KCNIP1: variants seen among roughly 807,000 people sequenced by gnomAD.
KCNIP1 encodes the protein potassium voltage-gated channel interacting protein 1.
Under a neutral mutation model 33.0 loss-of-function variants are expected in KCNIP1, and 18 were observed. The ratio of observed to expected loss-of-function variants is 0.55; its 90% CI spans 0.38 to 0.81. The LOEUF is 0.81. KCNIP1 is among the 30% of genes least tolerant of loss of function. KCNIP1 has a pLI of 0.00. For synonymous variants in KCNIP1, 93 were observed against 98.3 expected (o/e 0.95, Z 0.32); for missense variants, 238 against 271.6 (o/e 0.88, Z 0.87).
intron 1 of KCNIP1, among the ~76,000 whole-genome samples, chr5:170,474,431 ATCTG>A (rs990500447): frequency 1.3e-5 from 2 of 152,170 alleles, no homozygotes; most frequent in Non-Finnish European, 2.9e-5. Context: ...GCTTCTGCTA[ATCTG>A]TCTTATGTAA....
intron 1 of KCNIP1, among the ~76,000 whole-genome samples, chr5:170,589,818 T>TGC (rs781618647): frequency 6.4e-3 from 238 of 37,158 alleles, no homozygotes; most frequent in Middle Eastern, 0.033. Context: ...CGGTGCGGTG[T>TGC]GGTGTGGTAT....
At chr5:170,642,463 C>T (rs1760606312) in intron 1 of KCNIP1, among the ~76,000 whole-genome samples, 1 of 152,240 alleles carries the variant, frequency 6.6e-6, no homozygotes, top group African/African-American at 2.4e-5. Context: ...AGTACACAAT[C>T]ATTAGAGGGT....
chr5:170,511,432 G>A (rs1332889128), intron 1 of KCNIP1, among the ~76,000 whole-genome samples: 1 of 152,180 alleles, frequency 6.6e-6, no homozygotes, highest in Non-Finnish European at 1.5e-5. Flanking sequence ...CCTTTGAGCT[G>A]TGGCCTCTGA....
intron 5 of KCNIP1, among the ~76,000 whole-genome samples, chr5:170,730,779 G>A (rs1764167055): frequency 6.6e-6 from 1 of 151,748 alleles, no homozygotes; most frequent in African/African-American, 2.4e-5. Flanking sequence ...CTAAGATTGG[G>A]AAAGAGAAAA....
In KCNIP1 at chr5:170,489,927, G is replaced by A. The variant is rs1757172799; in HGVS notation, c.88+135963G>A. ...GGCGGCCCTGGGATATCTGCCATGT[G>A]CAGGGAATAATGAGCCTGGCAGCTG... On this transcript the variant is annotated intron_variant, in intron 1 of 7. Coordinates refer to the KCNIP1 transcript ENST00000377360. This position sits in a 1 kb window ranked among gnomAD's most constrained non-coding sequence, Gnocchi z 4.3. 6.6e-6 allele frequency among the ~76,000 whole-genome samples: 1 copy of A among 152,188 alleles called. No homozygotes were observed. Among genetic ancestry groups the A allele is most frequent in the African/African-American group, 2.4e-5 (1 of 41,450 alleles).
chr5:170,360,358 G>A (rs759127296), intron 1 of KCNIP1, among the ~76,000 whole-genome samples: 1 of 152,240 alleles, frequency 6.6e-6, no homozygotes, highest in Non-Finnish European at 1.5e-5. Context: ...CAACAGGACA[G>A]CCTTGGGCAA....
intron 1 of KCNIP1, among the ~76,000 whole-genome samples, chr5:170,588,101 C>CT (rs1758067347): frequency 2.0e-5 from 3 of 152,194 alleles, no homozygotes; most frequent in African/African-American, 4.8e-5. Context: ...AGAGTGCAAT[C>CT]TTTCAGTTTC....
intron 1 of KCNIP1, among the ~76,000 whole-genome samples, chr5:170,433,997 G>A (rs146670482): frequency 1.1e-3 from 167 of 152,204 alleles, no homozygotes; most frequent in Middle Eastern, 6.8e-3. Flanking sequence ...TGATTGGGCC[G>A]CATTTCTTTG....
intron 1 of KCNIP1, among the ~76,000 whole-genome samples, chr5:170,607,257 G>T (rs1758960740): frequency 6.6e-6 from 1 of 152,188 alleles, no homozygotes; most frequent in Admixed American, 6.5e-5. Flanking sequence ...TTTTCTCAGG[G>T]GTGTAGTGGG....
At chr5:170,589,154 T>C (rs1277570745) in intron 1 of KCNIP1, among the ~76,000 whole-genome samples, 1 of 152,054 alleles carries the variant, frequency 6.6e-6, no homozygotes, top group East Asian at 1.9e-4. Flanking sequence ...GCTGCCACCA[T>C]ACCTGGCTAA....
chr5:170,605,226 G>T (rs1178376600), intron 1 of KCNIP1, among the ~76,000 whole-genome samples: 1 of 152,114 alleles, frequency 6.6e-6, no homozygotes, highest in Non-Finnish European at 1.5e-5. Context: ...CCTCCCATGG[G>T]TGCTGCTCAT....
At chr5:170,403,043 C>T (rs143199195) in intron 1 of KCNIP1, among the ~76,000 whole-genome samples, 88 of 152,260 alleles carry the variant, frequency 5.8e-4, no homozygotes, top group African/African-American at 1.8e-3. Flanking sequence ...TATCTATATG[C>T]GTGCCAGGAA....
At chr5:170,401,489 C>T (rs1754901657) in intron 1 of KCNIP1, among the ~76,000 whole-genome samples, 1 of 152,142 alleles carries the variant, frequency 6.6e-6, no homozygotes, top group South Asian at 2.1e-4. Context: ...TTAATCTGGG[C>T]ACGGTGGCTC....
chr5:170,715,333 A>G (rs927959193), intron 1 of KCNIP1, among the ~76,000 whole-genome samples: 4 of 152,192 alleles, frequency 2.6e-5, no homozygotes, highest in African/African-American at 9.6e-5. Flanking sequence ...CTCAGAGCGT[A>G]TCCCTGTTGT....
intron 3 of KCNIP1, among the ~76,000 whole-genome samples, chr5:170,720,775 G>GCT (rs1345734617): frequency 4.6e-5 from 7 of 152,260 alleles, no homozygotes; most frequent in African/African-American, 7.2e-5. Flanking sequence ...GTTTTGCCAT[G>GCT]CTGGCACCAC....
chr5:170,451,723 T>TTGTGTGTGTGTGTGTGTGTGTGTG (rs67542248), intron 1 of KCNIP1, among the ~76,000 whole-genome samples: 20 of 122,972 alleles, frequency 1.6e-4, no homozygotes, highest in South Asian at 5.9e-4. Context: ...TTCTCCTGCA[T>TTGTGTGTGTGTGTGTGTGTGTGTG]TGTGTGTGTG....
chr5:170,601,130 G>A (rs1289236291), intron 1 of KCNIP1, among the ~76,000 whole-genome samples: 1 of 152,238 alleles, frequency 6.6e-6, no homozygotes, highest in African/African-American at 2.4e-5. Context: ...TTCCCTCTGT[G>A]TACAGAGCAG....
intron 1 of KCNIP1, among the ~76,000 whole-genome samples, chr5:170,466,057 GT>G: frequency 6.6e-6 from 1 of 152,186 alleles, no homozygotes; most frequent in Non-Finnish European, 1.5e-5. Context: ...CATTTTTCCA[GT>G]AAAGAAATAA....
intron 1 of KCNIP1, among the ~76,000 whole-genome samples, chr5:170,477,751 C>G (rs1300364280): frequency 6.6e-6 from 1 of 152,106 alleles, no homozygotes; most frequent in African/African-American, 2.4e-5. Flanking sequence ...CGGGTTGGCT[C>G]TTATCTATTT....
Sources: gnomAD v4.1 joint callset for allele counts (sites outside exome capture counted in the v4.1 genomes callset) on GRCh38, gnomAD v4.1.1 for gene constraint, Gnocchi (gnomAD v3.1) non-coding constraint, MANE v1.5 for transcripts, NCBI Gene and HGNC (gene_info 2026-07-23, HGNC 2026-07-21) for gene names.